The following DNER variants were observed in gnomAD, a reference collection of about 807,000 sequenced individuals.
DNER encodes delta/notch like EGF repeat containing.
Under a neutral mutation model 78.2 loss-of-function variants are expected in DNER, and 33 were observed. The ratio of observed to expected loss-of-function variants is 0.42; its 90% CI spans 0.32 to 0.56. DNER has a LOEUF of 0.56. DNER is among the 20% of genes least tolerant of loss of function. The probability of loss-of-function intolerance (pLI) is 0.11; values close to 1 mark genes in which losing one functional copy is unlikely to be tolerated. For synonymous variants in DNER, 417 were observed against 384.8 expected, an observed-to-expected ratio of 1.08 and a Z score of -0.98; for missense variants, 918 against 975.3, an observed-to-expected ratio of 0.94 and a Z score of 0.78.
chr2:229,549,336 C>T (rs1696685503), intron 4 of DNER, among the ~76,000 whole-genome samples: 2 of 152,194 alleles, frequency 1.3e-5, no homozygotes, highest in Non-Finnish European at 2.9e-5. Flanking sequence ...GACGGAGTCT[C>T]ACTCTGTTGC....
At position 229,358,269 on chromosome 2, in the gene DNER, C is replaced by T. The variant is rs114097620; in HGVS notation, c.*271G>A. The T allele has an allele frequency of 5.2e-3, 1,138 of 220,068 alleles. 14 individuals carry two copies. Among genetic ancestry groups the T allele is most frequent in the African/African-American group, 0.025 (1,069 of 43,622 alleles). 13.6% of individuals were successfully genotyped at this position (220,068 alleles called of 1,614,324 possible). A position where few individuals can be genotyped will look rare whatever the true frequency, so the allele number is the denominator to read the frequency against. On this transcript the variant is annotated 3_prime_UTR_variant, in exon 13 of 13. Coordinates refer to ENST00000341772, the MANE Select transcript of DNER (RefSeq NM_139072.4). ...CAACCACAGAAATTAATCTGGGTCT[C>T]GTGATAGTGTCTACAGTGAAAAGAG...
chr2:229,481,531 G>A (rs566416820), intron 6 of DNER, among the ~76,000 whole-genome samples: 2 of 88,150 alleles, frequency 2.3e-5, no homozygotes, highest in African/African-American at 8.7e-5. Context: ...GTAATACTCT[G>A]AACTGGATAC....
intron 12 of DNER, among the ~76,000 whole-genome samples, chr2:229,363,538 A>T (rs1346274167): frequency 6.6e-6 from 1 of 152,226 alleles, no homozygotes; most frequent in Non-Finnish European, 1.5e-5. Context: ...TCAGAAGAGA[A>T]GTTTTCCTAA....
At chr2:229,472,973 T>G (rs925826893) in intron 7 of DNER, among the ~76,000 whole-genome samples, 22 of 152,286 alleles carry the variant, frequency 1.4e-4, no homozygotes, top group African/African-American at 4.8e-4. Flanking sequence ...CTGCCCGATT[T>G]GGAACTTTGT....
chr2:229,629,451 G>A (rs1434152930), intron 1 of DNER, among the ~76,000 whole-genome samples: 1 of 152,108 alleles, frequency 6.6e-6, no homozygotes, highest in African/African-American at 2.4e-5. Flanking sequence ...GACCTCATTG[G>A]GCAGAAATGG....
intron 5 of DNER, among the ~76,000 whole-genome samples, chr2:229,543,413 C>G (rs1696555646): frequency 6.6e-6 from 1 of 152,204 alleles, no homozygotes; most frequent in South Asian, 2.1e-4. Context: ...CCACAACACA[C>G]ATACATTAAA....
chr2:229,602,620 C>A (rs2154214944), intron 1 of DNER, among the ~76,000 whole-genome samples: 1 of 152,142 alleles, frequency 6.6e-6, no homozygotes, highest in Admixed American at 6.5e-5. Flanking sequence ...CATGCAAGAT[C>A]AAAATTTACC....
intron 6 of DNER, among the ~76,000 whole-genome samples, chr2:229,499,100 A>G (rs746680025): frequency 1.8e-4 from 28 of 152,208 alleles, no homozygotes; most frequent in Non-Finnish European, 3.7e-4. Flanking sequence ...CTTAAAAACA[A>G]ATCTATGCTT....
At chr2:229,611,054 C>A (rs899462495) in intron 1 of DNER, among the ~76,000 whole-genome samples, 1 of 152,168 alleles carries the variant, frequency 6.6e-6, no homozygotes, top group Non-Finnish European at 1.5e-5. Context: ...TCAGCAATTA[C>A]TGGGATAAGA....
chr2:229,478,596 A>G (rs1272411888), intron 6 of DNER, among the ~76,000 whole-genome samples: 1 of 152,206 alleles, frequency 6.6e-6, no homozygotes. Flanking sequence ...AAAGCTGTAA[A>G]TTCAAAATAA....
At chr2:229,666,025 G>A (rs1007270518) in intron 1 of DNER, among the ~76,000 whole-genome samples, 2 of 152,098 alleles carry the variant, frequency 1.3e-5, no homozygotes, top group African/African-American at 4.8e-5. Context: ...AAATGGGCTT[G>A]GTATCCAAAT....
intron 1 of DNER, among the ~76,000 whole-genome samples, chr2:229,700,071 T>C (rs1699719007): frequency 6.9e-6 from 1 of 144,880 alleles, no homozygotes. Flanking sequence ...GCAATTTCAT[T>C]AAAAAAAAAA....
chr2:229,370,893 A>T (rs145682502), intron 11 of DNER, among the ~76,000 whole-genome samples: 1 of 152,330 alleles, frequency 6.6e-6, no homozygotes, highest in African/African-American at 2.4e-5. Flanking sequence ...AATTGTGTAT[A>T]CACAGTGAGT....
intron 1 of DNER, among the ~76,000 whole-genome samples, chr2:229,706,537 T>C (rs1337521500): frequency 6.6e-6 from 1 of 152,184 alleles, no homozygotes; most frequent in Non-Finnish European, 1.5e-5. Context: ...CACTACAGCC[T>C]GGGTGACAGA....
At chr2:229,626,486 C>T (rs2154215611) in intron 1 of DNER, among the ~76,000 whole-genome samples, 1 of 152,288 alleles carries the variant, frequency 6.6e-6, no homozygotes, top group Middle Eastern at 3.4e-3. Context: ...ATTATTCAAA[C>T]ATATTACCAG....
chr2:229,592,714 G>T (rs1439737875), intron 1 of DNER, among the ~76,000 whole-genome samples: 1 of 152,110 alleles, frequency 6.6e-6, no homozygotes, highest in African/African-American at 2.4e-5. Context: ...AAAATCACCT[G>T]CTCCTCTTCA....
intron 1 of DNER, among the ~76,000 whole-genome samples, chr2:229,620,450 A>C (rs1210155919): frequency 2.6e-5 from 4 of 152,358 alleles, no homozygotes; most frequent in African/African-American, 9.6e-5. Context: ...AATGTCAGCC[A>C]TCGGGCTTCA....
intron 4 of DNER, among the ~76,000 whole-genome samples, chr2:229,562,538 A>G (rs1696979157): frequency 6.6e-6 from 1 of 152,204 alleles, no homozygotes. Flanking sequence ...GTAATTGCCC[A>G]TAATATCCAT....
chr2:229,478,453 T>C (rs970456150), intron 6 of DNER, among the ~76,000 whole-genome samples: 15 of 152,182 alleles, frequency 9.9e-5, no homozygotes, highest in African/African-American at 3.4e-4. Flanking sequence ...GCAATCCTAC[T>C]CACAGGCATT....
Sources: gnomAD v4.1 joint callset for allele counts (sites outside exome capture counted in the v4.1 genomes callset) on GRCh38, gnomAD v4.1.1 for gene constraint, MANE v1.5 for transcripts, NCBI Gene and HGNC (gene_info 2026-07-23, HGNC 2026-07-21) for gene names.